Variants in C5orf34 observed in about 807,000 individuals in gnomAD.
C5orf34 encodes the protein uncharacterized protein C5orf34.
Under a neutral mutation model 78.4 loss-of-function variants are expected in C5orf34, and 73 were observed. That is an observed-to-expected ratio of 0.93 (90% CI 0.77 to 1.13). The LOEUF (loss-of-function observed/expected upper bound fraction) is 1.13. Among genes scored for constraint, C5orf34 ranks in the 50% most tolerant of loss-of-function variants. C5orf34 has a pLI of 0.00. For missense variants in C5orf34, 730 were observed against 732.7 expected (o/e 1.00, Z 0.04); for synonymous variants, 251 against 246.6 (o/e 1.02, Z -0.17).
intron 6 of C5orf34, among the ~76,000 whole-genome samples, chr5:43,498,397 C>A (rs1269892176): frequency 6.6e-6 from 1 of 152,070 alleles, no homozygotes; most frequent in South Asian, 2.1e-4. Context: ...GTCTTATAAT[C>A]TATTAGGCAG....
intron 11 of C5orf34, among the ~76,000 whole-genome samples, chr5:43,488,971 C>A (rs1038196797): frequency 6.6e-6 from 1 of 152,120 alleles, no homozygotes; most frequent in African/African-American, 2.4e-5. Context: ...AGCTTGTACT[C>A]TTTCCCTTGT....
chr5:43,511,946 T>C (rs1172779652), intron 1 of C5orf34, among the ~76,000 whole-genome samples: 1 of 151,968 alleles, frequency 6.6e-6, no homozygotes, highest in African/African-American at 2.4e-5. Flanking sequence ...TTCACCTGTT[T>C]ATCTGCTGAC....
At chr5:43,513,007 C>A (rs1746338695) in intron 1 of C5orf34, among the ~76,000 whole-genome samples, 1 of 152,028 alleles carries the variant, frequency 6.6e-6, no homozygotes, top group Non-Finnish European at 1.5e-5. Flanking sequence ...TGGTCTGGAA[C>A]TCCACACCTC....
intron 10 of C5orf34, among the ~76,000 whole-genome samples, chr5:43,491,518 T>C (rs1404434389): frequency 6.6e-6 from 1 of 152,198 alleles, no homozygotes; most frequent in Non-Finnish European, 1.5e-5. Flanking sequence ...AAGATAATCA[T>C]TGCGTAATTT....
intron 1 of C5orf34, among the ~76,000 whole-genome samples, chr5:43,513,153 T>G (rs75636326): frequency 0.03 from 4,519 of 152,248 alleles, 81 homozygotes; most frequent in Middle Eastern, 0.058. Context: ...TCTGTAATCT[T>G]CTGAGGATAT....
chr5:43,500,287 A>AT (rs1245032934), intron 6 of C5orf34, among the ~76,000 whole-genome samples: 8 of 151,932 alleles, frequency 5.3e-5, no homozygotes, highest in African/African-American at 1.9e-4. Context: ...CCCTTTGCCC[A>AT]TTTTTCTATT....
chr5:43,495,718 G>C, intron 6 of C5orf34: 1 of 1,580,772 alleles, frequency 6.3e-7, no homozygotes, highest in Non-Finnish European at 8.7e-7. Flanking sequence ...GGAGAGGCAG[G>C]CGCAAGGGCT....
intron 1 of C5orf34, among the ~76,000 whole-genome samples, chr5:43,510,551 C>T (rs534024125): frequency 1.3e-5 from 2 of 152,370 alleles, no homozygotes; most frequent in African/African-American, 4.8e-5. Context: ...TCTGATTCTC[C>T]TGCCTCAGCC....
intron 6 of C5orf34, among the ~76,000 whole-genome samples, chr5:43,497,515 G>A (rs988095286): frequency 3.3e-5 from 5 of 151,996 alleles, no homozygotes; most frequent in African/African-American, 1.2e-4. Context: ...GGGAAGAAGA[G>A]GGGCTTCAAA....
intron 6 of C5orf34, 120 bp downstream of exon 6, chr5:43,502,252 C>G (rs1303280132): frequency 2.1e-6 from 2 of 950,654 alleles, no homozygotes; most frequent in Non-Finnish European, 3.2e-6. Flanking sequence ...TATTAATACT[C>G]CAGACTGGGG....
At chr5:43,490,466 G>A (rs1745234171) in intron 11 of C5orf34, 165 bp downstream of exon 11, 3 of 487,320 alleles carry the variant, frequency 6.2e-6, no homozygotes, top group African/African-American at 5.9e-5. Flanking sequence ...TGTCTGATTA[G>A]AAATTATTTT....
At chr5:43,489,807 A>G (rs1294583099) in intron 11 of C5orf34, among the ~76,000 whole-genome samples, 2 of 152,162 alleles carry the variant, frequency 1.3e-5, no homozygotes, top group Non-Finnish European at 2.9e-5. Context: ...AGGTCACCTC[A>G]CAAAACTTAC....
At chr5:43,509,022 T>A (rs931951715) in intron 2 of C5orf34, 123 bp downstream of exon 2, 9 of 715,874 alleles carry the variant, frequency 1.3e-5, no homozygotes, top group Non-Finnish European at 2.1e-5. Flanking sequence ...GGAGAATCAC[T>A]TGAGCCTAGG....
chr5:43,492,117 A>G, intron 10 of C5orf34, 98 bp downstream of exon 10: 3 of 813,724 alleles, frequency 3.7e-6, no homozygotes, highest in Non-Finnish European at 5.8e-6. Flanking sequence ...ACATGGAAAA[A>G]CTAAAAATAT....
At chr5:43,511,955 AC>A (rs1746278933) in intron 1 of C5orf34, among the ~76,000 whole-genome samples, 1 of 149,742 alleles carries the variant, frequency 6.7e-6, no homozygotes, top group Non-Finnish European at 1.5e-5. Flanking sequence ...TTATCTGCTG[AC>A]CTTCCCTCCA....
At chr5:43,509,098 C>T in intron 2 of C5orf34, 47 bp downstream of exon 2, 4 of 1,490,608 alleles carry the variant, frequency 2.7e-6, no homozygotes, top group Non-Finnish European at 3.7e-6. Flanking sequence ...GAGCAAGAAC[C>T]TGTCTCTAAA....
chr5:43,511,125 C>T lies in C5orf34; in HGVS notation c.-36-1750G>A, dbSNP rs1259284380. On this transcript the variant is annotated intron_variant, in intron 1 of 12. Coordinates refer to ENST00000306862, the MANE Select transcript of C5orf34 (RefSeq NM_198566.4). ...CTGGGAGATGAGGAGCGTCTCTGCCCGGCCGCCCCATCTGAGAAGTGAGGA... is the reference window on the plus strand; with the variant it reads ...CTGGGAGATGAGGAGCGTCTCTGCCTGGCCGCCCCATCTGAGAAGTGAGGA... 5.7e-5 allele frequency: 10 copies of T among 176,900 alleles called. No homozygotes were observed. In the East Asian group the frequency reaches 1.1e-3, roughly 19 times the overall value. 11.0% of individuals were successfully genotyped at this position (176,900 alleles called of 1,614,324 possible).
chr5:43,487,003 A>T lies in C5orf34; in HGVS notation c.1829T>A (p.Val610Asp), dbSNP rs1429285597. The part of the protein sequence containing the change: ...PGSSETLLGE[V>D]NENRVSIALK... ...TGCTATTGATACTCTATTTTCATTA[A>T]CTTCTCCTAGCAAGGTTTCTGAAGA... Residue 610 changes from valine to aspartate, a missense_variant, in exon 13 of 13, where the codon GTT becomes GAT. Val to Asp is a radical substitution (Grantham distance 152). Coordinates refer to ENST00000306862, the MANE Select transcript of C5orf34 (RefSeq NM_198566.4). 1 of 1,589,744 alleles carries T rather than the reference A, an allele frequency of 6.3e-7. No homozygotes were observed.
At chr5:43,509,026 GC>G in intron 2 of C5orf34, 118 bp downstream of exon 2, 1 of 731,420 alleles carries the variant, frequency 1.4e-6, no homozygotes, top group Non-Finnish European at 2.3e-6. Context: ...AATCACTTGA[GC>G]CTAGGTGTTC....
Sources: gnomAD v4.1 joint callset for allele counts (sites outside exome capture counted in the v4.1 genomes callset) on GRCh38, gnomAD v4.1.1 for gene constraint, MANE v1.5 for transcripts, NCBI Gene and HGNC (gene_info 2026-07-23, HGNC 2026-07-21) for gene names.